Variants in AGBL4 observed in about 807,000 individuals in gnomAD.
AGBL4 encodes cytosolic carboxypeptidase 6.
Under a neutral mutation model 66.4 loss-of-function variants are expected in AGBL4, and 58 were observed. The ratio of observed to expected loss-of-function variants is 0.87; its 90% CI spans 0.71 to 1.09. The LOEUF is 1.09. AGBL4 is among the 50% of genes least tolerant of loss of function. The pLI is 0.00. For synonymous variants in AGBL4, 234 were observed against 222.9 expected (o/e 1.05, Z -0.44); for missense variants, 579 against 631.0 (o/e 0.92, Z 0.88).
intron 4 of AGBL4, among the ~76,000 whole-genome samples, chr1:49,192,077 G>A (rs1412973315): frequency 6.6e-6 from 1 of 152,056 alleles, no homozygotes; most frequent in Non-Finnish European, 1.5e-5. Context: ...CCTACCAACA[G>A]TGTATAACTA....
intron 1 of AGBL4, among the ~76,000 whole-genome samples, chr1:49,968,942 T>G (rs943498459): frequency 3.3e-5 from 5 of 152,218 alleles, no homozygotes; most frequent in African/African-American, 1.2e-4. Flanking sequence ...GTTTTAACCA[T>G]TGTTATGTTA....
chr1:49,699,930 T>C (rs1647055491), intron 2 of AGBL4, among the ~76,000 whole-genome samples: 1 of 151,880 alleles, frequency 6.6e-6, no homozygotes, highest in African/African-American at 2.4e-5. Context: ...AAGTTAACTA[T>C]ATGAGATAAT....
chr1:49,619,065 A>C (rs993240625), intron 3 of AGBL4, among the ~76,000 whole-genome samples: 5 of 152,206 alleles, frequency 3.3e-5, no homozygotes. Flanking sequence ...GCAAAAGACA[A>C]GGAAGCCCTC....
At chr1:49,742,225 A>G (rs1309139203) in intron 2 of AGBL4, among the ~76,000 whole-genome samples, 2 of 149,916 alleles carry the variant, frequency 1.3e-5, no homozygotes, top group African/African-American at 2.4e-5. Context: ...AAATCAATGT[A>G]CAAAAATCAC....
chr1:48,767,442 G>C (rs970080527), intron 6 of AGBL4, among the ~76,000 whole-genome samples: 10 of 152,192 alleles, frequency 6.6e-5, no homozygotes, highest in Non-Finnish European at 1.5e-4. Context: ...TGATGAAAGA[G>C]ATGTTTTAGG....
At chr1:49,920,760 C>T (rs1228683246) in intron 1 of AGBL4, among the ~76,000 whole-genome samples, 11 of 152,064 alleles carry the variant, frequency 7.2e-5, no homozygotes. Flanking sequence ...CAAAGGACTA[C>T]AAATCATGCT....
At position 48,551,367 on chromosome 1, in the gene AGBL4, C is replaced by T. The variant is rs1455551687; in HGVS notation, c.1268-11629G>A. Among the ~76,000 whole-genome samples the T allele has an allele frequency of 2.0e-5, 3 of 152,290 alleles. No homozygotes were observed. The East Asian group carries it at 5.8e-4, about 29-fold the overall frequency. ...AATGCTTCCTACCTCAGGATTATTG[C>T]ATTGATTAGAAATTATATATCCAAG... On this transcript the variant is annotated intron_variant, in intron 11 of 13. Transcript: ENST00000371839.
At chr1:49,433,099 T>C (rs1645822671) in intron 3 of AGBL4, among the ~76,000 whole-genome samples, 1 of 152,194 alleles carries the variant, frequency 6.6e-6, no homozygotes, top group Non-Finnish European at 1.5e-5. Flanking sequence ...TCTGTGCCTT[T>C]TCTCCCACAC....
rs138087979 is a variant in AGBL4 at position 49,050,455 on chromosome 1, T to C, written c.378-4655A>G. Among the ~76,000 whole-genome samples the C allele has an allele frequency of 7.8e-3, 1,189 of 152,238 alleles. 46 individuals carry two copies. The highest frequency in any genetic ancestry group is 0.059 in the Admixed American group (896 of 15,258). On this transcript the variant is annotated intron_variant, in intron 4 of 13. Coordinates refer to ENST00000371839, the MANE Select transcript of AGBL4 (RefSeq NM_032785.4). ...TCTCCGGGACCTATACAAAGGCTTATAGATGAAGTGCCAAGAACACTTATG... is the reference window on the plus strand; with the variant it reads ...TCTCCGGGACCTATACAAAGGCTTACAGATGAAGTGCCAAGAACACTTATG...
Position 49,158,256 on chromosome 1 carries a change from G to A in AGBL4, c.377+87514C>T, listed in dbSNP as rs138196302. On this transcript the variant is annotated intron_variant, in intron 4 of 13. Transcript: ENST00000371839. ...AGAAAACCTAGGCAATACCATTCAG[G>A]ACATAGACATGGGCAAAGACTTCAT... 7.9e-3 allele frequency among the ~76,000 whole-genome samples: 1,200 copies of A among 152,136 alleles called. 20 individuals are homozygous for A. Among genetic ancestry groups the A allele is most frequent in the African/African-American group, 0.027 (1,135 of 41,482 alleles).
At chr1:48,610,457 G>T (rs1184068347) in intron 9 of AGBL4, among the ~76,000 whole-genome samples, 1 of 152,176 alleles carries the variant, frequency 6.6e-6, no homozygotes, top group East Asian at 1.9e-4. Flanking sequence ...GGCAGTGGGT[G>T]CATCCCTAAA....
At chr1:49,306,074 C>T (rs1348772593) in intron 3 of AGBL4, among the ~76,000 whole-genome samples, 2 of 152,140 alleles carry the variant, frequency 1.3e-5, no homozygotes, top group Non-Finnish European at 2.9e-5. Context: ...ATTAAAAAAC[C>T]TTTTCATCTT....
At chr1:49,244,568 A>T (rs1322002014) in intron 4 of AGBL4, among the ~76,000 whole-genome samples, 1 of 151,836 alleles carries the variant, frequency 6.6e-6, no homozygotes, top group African/African-American at 2.4e-5. Flanking sequence ...TGGAGATAAA[A>T]GCGCAATTCA....
chr1:49,921,393 T>A (rs1446470782), intron 1 of AGBL4, among the ~76,000 whole-genome samples: 3 of 152,182 alleles, frequency 2.0e-5, no homozygotes, highest in African/African-American at 7.2e-5. Flanking sequence ...TTCATAATTT[T>A]AAATTTTAAC....
chr1:49,683,805 A>C (rs1223450968), intron 3 of AGBL4, among the ~76,000 whole-genome samples: 1 of 152,224 alleles, frequency 6.6e-6, no homozygotes, highest in Non-Finnish European at 1.5e-5. Context: ...GTAGACAGCA[A>C]ATGGTACAAT....
intron 1 of AGBL4, among the ~76,000 whole-genome samples, chr1:49,983,815 T>C (rs1327548878): frequency 6.6e-6 from 1 of 152,256 alleles, no homozygotes; most frequent in Non-Finnish European, 1.5e-5. Flanking sequence ...CTTTGCAGTA[T>C]GCATTTCACT....
intron 3 of AGBL4, among the ~76,000 whole-genome samples, chr1:49,399,851 G>A (rs1403282836): frequency 6.6e-6 from 1 of 151,864 alleles, no homozygotes; most frequent in Non-Finnish European, 1.5e-5. Context: ...TTTTAACTTG[G>A]TGTGATCTCA....
At chr1:49,374,822 A>C (rs961422484) in intron 3 of AGBL4, among the ~76,000 whole-genome samples, 1 of 152,146 alleles carries the variant, frequency 6.6e-6, no homozygotes, top group Non-Finnish European at 1.5e-5. Context: ...CATTCTTTAC[A>C]CTAAAGTCAG....
rs557764075 is a variant in AGBL4, at chr1:49,603,926, G to T, written c.282+93387C>A. 5.7e-5 allele frequency among the ~76,000 whole-genome samples: 6 copies of T among 106,040 alleles called. No individual in the cohort carries two copies. In the East Asian group the frequency reaches 1.7e-3, roughly 30 times the overall value. 69.6% of individuals were successfully genotyped at this position (106,040 alleles called of 152,430 possible). ...TTCTACAGGTGATTAGTATTCCATG[G>T]TATACACACACACACACACACACAC... On this transcript the variant is annotated intron_variant, in intron 3 of 13. Transcript: ENST00000371839.
Sources: allele counts gnomAD v4.1 joint callset (sites outside exome capture counted in the v4.1 genomes callset), GRCh38; gene constraint gnomAD v4.1.1; transcripts MANE v1.5; gene names NCBI Gene and HGNC (gene_info 2026-07-23, HGNC 2026-07-21).